The following ATRNL1 variants were observed in gnomAD, a reference collection of about 807,000 sequenced individuals.
ATRNL1 encodes attractin like 1, also known as attractin-like protein 1.
In ATRNL1, 95 loss-of-function variants were observed where a neutral mutation model predicts 182.7. The observed-to-expected ratio is 0.52, with a 90% CI of 0.44 to 0.62. ATRNL1 has a LOEUF of 0.62. Ranked by LOEUF, ATRNL1 falls within the 20% of genes least tolerant of loss-of-function variation. The pLI is 0.00. For synonymous variants in ATRNL1, 576 were observed against 568.3 expected (o/e 1.01, Z -0.19); for missense variants, 1,471 against 1,679.5 (o/e 0.88, Z 2.17).
At chr10:115,708,886 G>A (rs1946978464) in intron 26 of ATRNL1, among the ~76,000 whole-genome samples, 1 of 151,662 alleles carries the variant, frequency 6.6e-6, no homozygotes, top group East Asian at 1.9e-4. Context: ...TTAAGGTCAA[G>A]ACAAGATTTA....
chr10:115,509,274 G>A (rs1190693167), intron 24 of ATRNL1, among the ~76,000 whole-genome samples: 1 of 152,026 alleles, frequency 6.6e-6, no homozygotes, highest in Admixed American at 6.6e-5. Flanking sequence ...TGAAGGTGAT[G>A]TGTAAGGAGA....
At chr10:115,264,100 T>C (rs1248815744) in intron 10 of ATRNL1, among the ~76,000 whole-genome samples, 1 of 151,638 alleles carries the variant, frequency 6.6e-6, no homozygotes, top group East Asian at 1.9e-4. Flanking sequence ...TTTTTAATTA[T>C]ACTTTAAGTT....
intron 24 of ATRNL1, among the ~76,000 whole-genome samples, chr10:115,476,765 CT>C (rs558964645): frequency 6.6e-6 from 1 of 150,912 alleles, no homozygotes; most frequent in Non-Finnish European, 1.5e-5. Context: ...TGGCCTTAAC[CT>C]TTTTTTTAAC....
chr10:115,641,445 C>T (rs1205725983), intron 26 of ATRNL1, among the ~76,000 whole-genome samples: 1 of 152,084 alleles, frequency 6.6e-6, no homozygotes, highest in Non-Finnish European at 1.5e-5. Flanking sequence ...TTAAACTGTC[C>T]AGTTAAGTTC....
chr10:115,330,387 C>G (rs1024241199), intron 18 of ATRNL1, among the ~76,000 whole-genome samples: 1 of 151,914 alleles, frequency 6.6e-6, no homozygotes, highest in Non-Finnish European at 1.5e-5. Context: ...TAGTTTTGAA[C>G]TTTTTTTGTT....
chr10:115,925,181 T>C (rs1294265934), intron 28 of ATRNL1, among the ~76,000 whole-genome samples: 1 of 152,190 alleles, frequency 6.6e-6, no homozygotes, highest in African/African-American at 2.4e-5. Context: ...TATAAAATCA[T>C]GTCCTCTGCA....
At chr10:115,712,909 T>C (rs1001212472) in intron 26 of ATRNL1, among the ~76,000 whole-genome samples, 1 of 151,844 alleles carries the variant, frequency 6.6e-6, no homozygotes, top group Non-Finnish European at 1.5e-5. Flanking sequence ...TTTAATCATA[T>C]CAACCCAGTC....
chr10:115,148,702 G>T (rs1303418926), intron 5 of ATRNL1, among the ~76,000 whole-genome samples: 1 of 151,190 alleles, frequency 6.6e-6, no homozygotes, highest in Non-Finnish European at 1.5e-5. Flanking sequence ...TGTGCAGAGA[G>T]AGTGGTGTTC....
intron 15 of ATRNL1, among the ~76,000 whole-genome samples, chr10:115,296,695 C>T (rs1490026093): frequency 6.7e-6 from 1 of 150,142 alleles, no homozygotes; most frequent in East Asian, 1.9e-4. Context: ...TTTTTTTTTA[C>T]GTCTGGGATT....
intron 19 of ATRNL1, among the ~76,000 whole-genome samples, chr10:115,358,607 A>G (rs1554943429): frequency 6.6e-6 from 1 of 151,668 alleles, no homozygotes; most frequent in Non-Finnish European, 1.5e-5. Flanking sequence ...TTTAATAAAG[A>G]TTTTAGTATA....
intron 27 of ATRNL1, among the ~76,000 whole-genome samples, chr10:115,832,028 T>G (rs957608735): frequency 4.6e-5 from 7 of 152,194 alleles, no homozygotes; most frequent in Admixed American, 2.6e-4. Flanking sequence ...TTTACAGGAT[T>G]AATATGTCCT....
At chr10:115,452,840 C>T (rs1847343659) in intron 21 of ATRNL1, among the ~76,000 whole-genome samples, 1 of 152,036 alleles carries the variant, frequency 6.6e-6, no homozygotes, top group African/African-American at 2.4e-5. Flanking sequence ...AGTAACCCTT[C>T]CCCTTTTCTT....
At chr10:115,546,491 G>A (rs1046691178) in intron 25 of ATRNL1, among the ~76,000 whole-genome samples, 4 of 151,774 alleles carry the variant, frequency 2.6e-5, no homozygotes, top group Non-Finnish European at 4.4e-5. Context: ...GCTTGAACCC[G>A]GGAGGCAGAG....
chr10:115,241,785 T>C, intron 10 of ATRNL1, 60 bp downstream of exon 10: 9 of 1,393,030 alleles, frequency 6.5e-6, no homozygotes, highest in Non-Finnish European at 9.0e-6. Flanking sequence ...ATATAGATAT[T>C]CTCAAATACA....
At chr10:115,255,276 A>G (rs1554906469) in intron 10 of ATRNL1, among the ~76,000 whole-genome samples, 8 of 152,098 alleles carry the variant, frequency 5.3e-5, no homozygotes, top group Non-Finnish European at 1.0e-4. Context: ...AACATGGAAT[A>G]TTCTTCCATT....
At chr10:115,366,744 T>C (rs1431077264) in intron 19 of ATRNL1, among the ~76,000 whole-genome samples, 12 of 152,008 alleles carry the variant, frequency 7.9e-5, no homozygotes, top group African/African-American at 2.9e-4. Context: ...CATTTGCTTG[T>C]CTGTAAAGTA....
At chr10:115,466,528 T>G (rs782652887) in intron 22 of ATRNL1, among the ~76,000 whole-genome samples, 14 of 151,212 alleles carry the variant, frequency 9.3e-5, no homozygotes, top group Non-Finnish European at 1.5e-4. Flanking sequence ...CTTAGTCATA[T>G]TTCCCTGAAA....
intron 1 of ATRNL1, among the ~76,000 whole-genome samples, chr10:115,110,132 C>T (rs558255888): frequency 1.3e-5 from 2 of 151,978 alleles, no homozygotes; most frequent in East Asian, 1.9e-4. Flanking sequence ...TTATAATTTC[C>T]AAAAATATAG....
At chr10:115,147,110 C>T (rs1175323504) in intron 5 of ATRNL1, among the ~76,000 whole-genome samples, 2 of 152,076 alleles carry the variant, frequency 1.3e-5, no homozygotes, top group African/African-American at 4.8e-5. Context: ...TAAGAGTTCC[C>T]TTTTCTGTGT....
Sources: gnomAD v4.1 joint callset for allele counts (sites outside exome capture counted in the v4.1 genomes callset) on GRCh38, gnomAD v4.1.1 for gene constraint, MANE v1.5 for transcripts, NCBI Gene and HGNC (gene_info 2026-07-23, HGNC 2026-07-21) for gene names.